STAT5B: variants seen among roughly 807,000 people sequenced by gnomAD.
STAT5B encodes transcription factor STAT5B.
In STAT5B, 21 loss-of-function variants were observed where a neutral mutation model predicts 107.8. The observed-to-expected ratio is 0.19, with a 90% CI of 0.14 to 0.28. The LOEUF (loss-of-function observed/expected upper bound fraction) is 0.28. Ranked by LOEUF, STAT5B falls within the 10% of genes least tolerant of loss-of-function variation. The pLI is 1.00. For synonymous variants in STAT5B, 325 were observed against 401.7 expected (o/e 0.81, Z 2.28); for missense variants, 565 against 1,008.2 (o/e 0.56, Z 5.95).
chr17:42,229,825 C>G (rs909929630), intron 2 of STAT5B, among the ~76,000 whole-genome samples: 4 of 151,310 alleles, frequency 2.6e-5, no homozygotes, highest in African/African-American at 9.7e-5. Flanking sequence ...GAGCCGAGAT[C>G]ACGCCACTGC....
chr17:42,279,457 C>T (rs2080786391), upstream of STAT5B, among the ~76,000 whole-genome samples: 1 of 152,206 alleles, frequency 6.6e-6, no homozygotes, highest in African/African-American at 2.4e-5. Context: ...GGACTCAAGC[C>T]AGCTGGTTTG....
chr17:42,269,975 C>G (rs942607029), intron 1 of STAT5B, among the ~76,000 whole-genome samples: 1 of 151,934 alleles, frequency 6.6e-6, no homozygotes, highest in Non-Finnish European at 1.5e-5. Context: ...TTCGGAAGGC[C>G]AAGGCAGGAG....
intron 5 of STAT5B, among the ~76,000 whole-genome samples, chr17:42,222,075 GTGTGTGTGTGC>G (rs1433104727): frequency 2.8e-5 from 4 of 143,270 alleles, no homozygotes; most frequent in Non-Finnish European, 4.6e-5. Context: ...GCTGTGTGTG[GTGTGTGTGTGC>G]TGTGTGTGTG....
chr17:42,212,385 C>A (rs1567656798), intron 12 of STAT5B, among the ~76,000 whole-genome samples, 195 bp from the exon 13 acceptor site: 1 of 152,230 alleles, frequency 6.6e-6, no homozygotes, highest in African/African-American at 2.4e-5. Flanking sequence ...TCTTTACACA[C>A]AACTAGAAGG....
chr17:42,264,216 T>C (rs2080646455), intron 1 of STAT5B, among the ~76,000 whole-genome samples: 1 of 152,038 alleles, frequency 6.6e-6, no homozygotes, highest in Non-Finnish European at 1.5e-5. Flanking sequence ...TTAATTTATT[T>C]ATTATTATAC....
chr17:42,271,173 T>C (rs1332679125), intron 1 of STAT5B: 2 of 152,268 alleles, frequency 1.3e-5, no homozygotes, highest in African/African-American at 4.8e-5. Flanking sequence ...ATCATGGATG[T>C]GGCTGTTACT....
In STAT5B at chr17:42,201,688, G is replaced by C. The variant is rs1567652638; in HGVS notation, c.*50C>G. The stretch of plus-strand genomic sequence containing the variant: ...TCATGGAATTAAAACATCCACAAGA[G>C]TGATTCCTCTGGTGAAGATGAAGAA... On this transcript the variant is annotated 3_prime_UTR_variant, in exon 19 of 19. Transcript: ENST00000293328. 3.5e-6 allele frequency: 4 copies of C among 1,159,030 alleles called. No homozygotes were observed. The highest frequency in any genetic ancestry group is 1.7e-5 in the Admixed American group (1 of 59,440). 71.8% of individuals were successfully genotyped at this position (1,159,030 alleles called of 1,614,324 possible).
At chr17:42,246,593 C>T (rs2080453703) in intron 1 of STAT5B, among the ~76,000 whole-genome samples, 1 of 152,030 alleles carries the variant, frequency 6.6e-6, no homozygotes, top group Admixed American at 6.6e-5. Context: ...GAACGAAATA[C>T]ACAGAAAGTC....
intron 1 of STAT5B, among the ~76,000 whole-genome samples, chr17:42,265,377 C>CTTCTTTTTTTTTTTTTTTTTTTTT (rs2080659931): frequency 9.0e-6 from 1 of 110,596 alleles, no homozygotes; most frequent in Non-Finnish European, 1.9e-5. Context: ...ATGTACTCTT[C>CTTCTTTTTTTTTTTTTTTTTTTTT]TTTTTTTTTT....
At chr17:42,247,972 G>A (rs2053673400) in intron 1 of STAT5B, among the ~76,000 whole-genome samples, 1 of 151,180 alleles carries the variant, frequency 6.6e-6, no homozygotes, top group African/African-American at 2.4e-5. Flanking sequence ...AAAAATGTAT[G>A]AGAAAAAGAA....
intron 1 of STAT5B, among the ~76,000 whole-genome samples, chr17:42,240,611 T>C (rs2080393950): frequency 6.6e-6 from 1 of 152,088 alleles, no homozygotes; most frequent in Non-Finnish European, 1.5e-5. Context: ...AAGGGTGAAT[T>C]TTATAGTGCG....
At position 42,217,321 on chromosome 17, in the gene STAT5B, G is replaced by A. The variant is rs771822232; in HGVS notation, c.1258-39C>T. 13 of 1,614,068 alleles carry A rather than the reference G, an allele frequency of 8.1e-6. No homozygotes were observed. In the South Asian group the frequency reaches 1.2e-4, roughly 15 times the overall value. On this transcript the variant is annotated intron_variant, in intron 10 of 18. Coordinates refer to ENST00000293328, the MANE Select transcript of STAT5B (RefSeq NM_012448.4). ...ACATAAGATGAAACGTAAGATATAA[G>A]TTGTTCCCCTCAAAGACCAGGGAAA...
At chr17:42,285,838 G>A in the STAT5B span, among the ~76,000 whole-genome samples, 1 of 152,116 alleles carries the variant, frequency 6.6e-6, no homozygotes, top group Non-Finnish European at 1.5e-5. Flanking sequence ...AGGGAGAACA[G>A]GCCTGAAGAA....
At chr17:42,274,281 CAAAAAAAAAAA>C (rs534342062) in intron 1 of STAT5B, among the ~76,000 whole-genome samples, 16 of 62,530 alleles carry the variant, frequency 2.6e-4, no homozygotes, top group East Asian at 5.5e-4. Flanking sequence ...GTTTGCTTTA[CAAAAAAAAAAA>C]AAAAAAAAAA....
chr17:42,249,195 C>CA (rs1322027019), intron 1 of STAT5B, among the ~76,000 whole-genome samples: 5 of 152,100 alleles, frequency 3.3e-5, no homozygotes, highest in African/African-American at 1.2e-4. Context: ...AGTTTGAGAC[C>CA]AGTCTGGCTA....
rs2080321910 is a variant in STAT5B at position 42,232,071 on chromosome 17, T to C, written c.57A>G (p.Gln19=). 2 of 1,613,866 alleles carry C rather than the reference T, an allele frequency of 1.2e-6. No homozygotes were observed. Among genetic ancestry groups the C allele is most frequent in the Non-Finnish European group, 1.7e-6 (2 of 1,179,970 alleles). ...TGGGAAAATGCTGGCCATATAACGC[T>C]TGCATCTGATGAAGGGCTTCTCCTT... The part of the protein sequence containing the change: ...QLQGEALHQM[Q]ALYGQHFPIE... Residue 19 remains glutamine, a synonymous_variant, in exon 2 of 19, where the codon CAA becomes CAG. Transcript: ENST00000293328.
intron 1 of STAT5B, among the ~76,000 whole-genome samples, chr17:42,239,641 A>G (rs942688165): frequency 2.0e-5 from 3 of 152,216 alleles, no homozygotes; most frequent in African/African-American, 7.2e-5. Flanking sequence ...AGACGTAGGC[A>G]CTATTATTAT....
At chr17:42,224,889 A>T in intron 3 of STAT5B, 21 bp from the exon 4 acceptor site, 1 of 1,612,858 alleles carries the variant, frequency 6.2e-7, no homozygotes, top group Non-Finnish European at 8.5e-7. Context: ...CCAACAGCAG[A>T]CATCACTTTG....
At chr17:42,203,426 A>C (rs1402369773) in intron 16 of STAT5B, among the ~76,000 whole-genome samples, 1 of 151,894 alleles carries the variant, frequency 6.6e-6, no homozygotes, top group Non-Finnish European at 1.5e-5. Flanking sequence ...AAAAAAAAAA[A>C]CACCTTGAAA....
Sources: allele counts gnomAD v4.1 joint callset (sites outside exome capture counted in the v4.1 genomes callset), GRCh38; gene constraint gnomAD v4.1.1; transcripts MANE v1.5; gene names NCBI Gene and HGNC (gene_info 2026-07-23, HGNC 2026-07-21).